SMCO4: variants seen among roughly 807,000 people sequenced by gnomAD.
The protein encoded by SMCO4 is single-pass membrane and coiled-coil domain-containing protein 4.
SMCO4 carries 4 observed loss-of-function variants against 3.6 expected under a neutral mutation model. That is an observed-to-expected ratio of 1.11 (90% CI 0.54 to 2.53). The LOEUF (loss-of-function observed/expected upper bound fraction) is 2.53. Ranked by LOEUF, SMCO4 falls within the 30% of genes most tolerant of loss-of-function variation. The pLI, the probability that SMCO4 is intolerant of heterozygous loss-of-function variation, is 0.02. For synonymous variants in SMCO4, 36 were observed against 35.3 expected, an observed-to-expected ratio of 1.02 and a Z score of -0.07; for missense variants, 70 against 80.8, an observed-to-expected ratio of 0.87 and a Z score of 0.51.
chr11:93,483,993 C>A (rs2608272), intron 2 of SMCO4, among the ~76,000 whole-genome samples: 48,038 of 152,154 alleles, frequency 0.32, 7,877 homozygotes, highest in East Asian at 0.48. Flanking sequence ...AGGATGGAAG[C>A]TGCAGCCTCC....
intron 1 of SMCO4, among the ~76,000 whole-genome samples, chr11:93,542,622 C>A (rs1335502809): frequency 6.6e-6 from 1 of 152,192 alleles, no homozygotes; most frequent in Non-Finnish European, 1.5e-5. Context: ...TACAGGAACT[C>A]CCCACTGGGT....
intron 1 of SMCO4, chr11:93,523,379 C>G (rs549488036): frequency 3.3e-5 from 5 of 152,310 alleles, no homozygotes; most frequent in African/African-American, 1.2e-4. Context: ...GAGACCACGC[C>G]GGGCATAGTG....
intron 2 of SMCO4, among the ~76,000 whole-genome samples, chr11:93,492,783 C>T (rs191853625): frequency 3.2e-4 from 49 of 152,304 alleles, no homozygotes; most frequent in African/African-American, 1.0e-3. Context: ...AGGGGACTAG[C>T]CAAGGAGCTG....
At chr11:93,498,223 C>G (rs34819559) in intron 2 of SMCO4, among the ~76,000 whole-genome samples, 18,249 of 152,224 alleles carry the variant, frequency 0.12, 1,355 homozygotes, top group Non-Finnish European at 0.17. Flanking sequence ...GGCTATGATG[C>G]ATAAACTCAT....
At chr11:93,485,537 A>G (rs549361155) in intron 2 of SMCO4, among the ~76,000 whole-genome samples, 1 of 152,102 alleles carries the variant, frequency 6.6e-6, no homozygotes, top group South Asian at 2.1e-4. Flanking sequence ...CTATCTCAGG[A>G]CTTGGTTTAT....
chr11:93,482,232 C>A (rs35548120), intron 2 of SMCO4, among the ~76,000 whole-genome samples: 1 of 152,026 alleles, frequency 6.6e-6, no homozygotes, highest in Non-Finnish European at 1.5e-5. Context: ...GGGAGGGGAC[C>A]CTATGGTGAA....
chr11:93,481,437 G>A (rs35061570), intron 2 of SMCO4: 153,395 of 984,776 alleles, frequency 0.16, 12,753 homozygotes, highest in Non-Finnish European at 0.17. Flanking sequence ...CCACCTTCGC[G>A]GGACCGTGGT....
intron 1 of SMCO4, among the ~76,000 whole-genome samples, chr11:93,531,916 C>A (rs1949166692): frequency 6.6e-6 from 1 of 152,216 alleles, no homozygotes; most frequent in Non-Finnish European, 1.5e-5. Flanking sequence ...AACCATTTGT[C>A]TCTTATCTAC....
At chr11:93,525,609 T>A (rs1949098889) in intron 1 of SMCO4, among the ~76,000 whole-genome samples, 1 of 152,082 alleles carries the variant, frequency 6.6e-6, no homozygotes, top group Admixed American at 6.6e-5. Context: ...GTCTCCAGAC[T>A]CTTCCCACTT....
upstream of SMCO4, among the ~76,000 whole-genome samples, chr11:93,546,241 C>T (rs546144209): frequency 1.3e-5 from 2 of 152,344 alleles, no homozygotes; most frequent in African/African-American, 4.8e-5. Flanking sequence ...TAAATCTAAG[C>T]TTAGCAGAGC....
At chr11:93,533,971 T>C (rs908561448) in intron 1 of SMCO4, among the ~76,000 whole-genome samples, 1 of 151,880 alleles carries the variant, frequency 6.6e-6, no homozygotes, top group Admixed American at 6.6e-5. Flanking sequence ...CAGATCACTT[T>C]AAGTCCAGGG....
intron 1 of SMCO4, among the ~76,000 whole-genome samples, chr11:93,520,659 A>G (rs1949048853): frequency 6.6e-6 from 1 of 152,278 alleles, no homozygotes; most frequent in South Asian, 2.1e-4. Flanking sequence ...ACCTTTTCCT[A>G]TCAAGATACA....
At chr11:93,502,997 A>C (rs752891082) in intron 1 of SMCO4, among the ~76,000 whole-genome samples, 18 of 152,186 alleles carry the variant, frequency 1.2e-4, no homozygotes, top group Non-Finnish European at 2.4e-4. Flanking sequence ...CCCATTTTAC[A>C]GATCAGAAAG....
upstream of SMCO4, among the ~76,000 whole-genome samples, chr11:93,546,298 G>A (rs1395293193): frequency 1.3e-5 from 2 of 152,184 alleles, no homozygotes; most frequent in Non-Finnish European, 2.9e-5. Context: ...TCATTGAATT[G>A]GTTACTGAGC....
chr11:93,492,220 C>T (rs996990124), intron 2 of SMCO4, among the ~76,000 whole-genome samples: 5 of 152,190 alleles, frequency 3.3e-5, no homozygotes, highest in Non-Finnish European at 5.9e-5. Flanking sequence ...TGGCAACTAA[C>T]CATGCACAGA....
chr11:93,533,744 G>A lies in SMCO4; in HGVS notation c.-154+9532C>T, dbSNP rs76868669. ...TCCTGCCCCACCTAAGGCCTCCACC[G>A]AAGCCTCCCACCTTCATCCCTTTTA... On this transcript the variant is annotated intron_variant, in intron 1 of 2. Coordinates refer to ENST00000298966, the MANE Select transcript of SMCO4 (RefSeq NM_020179.3). Among the ~76,000 whole-genome samples the A allele has an allele frequency of 2.1e-3, 319 of 152,228 alleles. 2 individuals carry two copies. The highest frequency in any genetic ancestry group is 6.9e-3 in the African/African-American group (288 of 41,536).
At chr11:93,529,076 G>C in intron 1 of SMCO4, among the ~76,000 whole-genome samples, 1 of 152,162 alleles carries the variant, frequency 6.6e-6, no homozygotes, top group East Asian at 1.9e-4. Context: ...ACTATAACAA[G>C]GAAGCAAAGC....
At chr11:93,546,539 T>C (rs1029219434), upstream of SMCO4, among the ~76,000 whole-genome samples, 6 of 152,200 alleles carry the variant, frequency 3.9e-5, no homozygotes, top group African/African-American at 1.4e-4. Flanking sequence ...GAGTTAGAGA[T>C]CATCTAACCC....
At chr11:93,550,051 C>G in the SMCO4 span, among the ~76,000 whole-genome samples, 1 of 152,308 alleles carries the variant, frequency 6.6e-6, no homozygotes, top group East Asian at 1.9e-4. Context: ...CTGAAAAGTT[C>G]AACCCAAATC....
Sources: gnomAD v4.1 joint callset for allele counts (sites outside exome capture counted in the v4.1 genomes callset) on GRCh38, gnomAD v4.1.1 for gene constraint, MANE v1.5 for transcripts, NCBI Gene and HGNC (gene_info 2026-07-23, HGNC 2026-07-21) for gene names.